Variants in THSD4 observed in about 807,000 individuals in gnomAD.
The protein encoded by THSD4 is thrombospondin type 1 domain containing 4.
A neutral mutation model predicts 119.0 loss-of-function variants in THSD4; 69 were observed. That is an observed-to-expected ratio of 0.58 (90% CI 0.48 to 0.71). The LOEUF (loss-of-function observed/expected upper bound fraction) is 0.71, where lower values mean the gene tolerates loss of function less well. Among genes scored for constraint, THSD4 ranks in the 30% least tolerant of loss-of-function variants. The probability of loss-of-function intolerance (pLI) is 0.00; values close to 1 mark genes in which losing one functional copy is unlikely to be tolerated. For missense variants in THSD4, 1,393 were observed against 1,391.1 expected, an observed-to-expected ratio of 1.00 and a Z score of -0.02; for synonymous variants, 524 against 540.4, an observed-to-expected ratio of 0.97 and a Z score of 0.42.
At chr15:71,194,635 G>C (rs562055131) in intron 3 of THSD4, among the ~76,000 whole-genome samples, 2 of 152,256 alleles carry the variant, frequency 1.3e-5, no homozygotes, top group Middle Eastern at 3.4e-3. Flanking sequence ...ATTTGGAGAG[G>C]CCCCTACAAA....
intron 1 of THSD4, among the ~76,000 whole-genome samples, chr15:71,140,143 C>A (rs1199409043): frequency 2.6e-5 from 4 of 152,202 alleles, no homozygotes; most frequent in African/African-American, 9.7e-5. Flanking sequence ...TCTTGCATCA[C>A]CATATTAGTT....
At chr15:71,429,528 C>T (rs1437935638) in intron 7 of THSD4, among the ~76,000 whole-genome samples, 2 of 152,130 alleles carry the variant, frequency 1.3e-5, no homozygotes, top group South Asian at 2.1e-4. Context: ...TAGTTATTTT[C>T]TTTGGTGGGT....
chr15:71,193,271 C>G (rs927563462), intron 3 of THSD4, among the ~76,000 whole-genome samples: 3 of 152,182 alleles, frequency 2.0e-5, no homozygotes, highest in African/African-American at 7.2e-5. Context: ...TTCTCACTGA[C>G]TGGCACAGCT....
At chr15:71,191,456 C>T (rs998608446) in intron 3 of THSD4, among the ~76,000 whole-genome samples, 1 of 152,228 alleles carries the variant, frequency 6.6e-6, no homozygotes, top group Non-Finnish European at 1.5e-5. Context: ...ATTGGCCATT[C>T]GTGCCTTTGC....
chr15:71,771,927 C>G (rs1210388666), intron 17 of THSD4, among the ~76,000 whole-genome samples: 1 of 152,084 alleles, frequency 6.6e-6, no homozygotes, highest in Admixed American at 6.5e-5. Flanking sequence ...GCCAGAAAAC[C>G]AAAGAAGGCA....
chr15:71,582,755 C>T (rs1567047282), intron 7 of THSD4, among the ~76,000 whole-genome samples: 1 of 151,996 alleles, frequency 6.6e-6, no homozygotes, highest in African/African-American at 2.4e-5. Context: ...AACTTTAGTC[C>T]TTCATTCTGT....
chr15:71,374,965 C>G (rs984594379), intron 6 of THSD4, among the ~76,000 whole-genome samples: 1 of 152,090 alleles, frequency 6.6e-6, no homozygotes, highest in Non-Finnish European at 1.5e-5. Flanking sequence ...AATCACCTGT[C>G]CTGCGGGTAT....
chr15:71,570,309 T>G lies in THSD4; in HGVS notation c.1153-90221T>G, dbSNP rs149500695. Among the ~76,000 whole-genome samples, 453 of 152,300 alleles carry G rather than the reference T, an allele frequency of 3.0e-3. 2 individuals are homozygous for G. Among genetic ancestry groups the G allele is most frequent in the African/African-American group, 0.011 (439 of 41,568 alleles). Reference sequence around the variant, plus strand: ...TTGCTCACAACAACCCTATGAGAGATATTGGTCAGGAAAATATTTTTATAT... The same window carrying G: ...TTGCTCACAACAACCCTATGAGAGAGATTGGTCAGGAAAATATTTTTATAT... On this transcript the variant is annotated intron_variant, in intron 7 of 17. Transcript: ENST00000261862.
intron 6 of THSD4, 58 bp from the exon 7 acceptor site, chr15:71,411,629 G>A: frequency 4.6e-6 from 7 of 1,523,206 alleles, no homozygotes; most frequent in Non-Finnish European, 6.2e-6. Context: ...TGATTCCACA[G>A]AGATGATATT....
At chr15:71,533,844 C>G (rs2048650381) in intron 7 of THSD4, among the ~76,000 whole-genome samples, 1 of 152,090 alleles carries the variant, frequency 6.6e-6, no homozygotes, top group Admixed American at 6.6e-5. Context: ...AGGAGATGTG[C>G]TCTAAGTAGG....
chr15:71,181,762 A>C (rs1270442177), intron 3 of THSD4, among the ~76,000 whole-genome samples: 1 of 152,192 alleles, frequency 6.6e-6, no homozygotes, highest in Non-Finnish European at 1.5e-5. Flanking sequence ...TCCTAGTGTT[A>C]ACCTGGTGAC....
intron 3 of THSD4, among the ~76,000 whole-genome samples, chr15:71,162,045 T>C (rs1379126615): frequency 6.6e-6 from 1 of 152,084 alleles, no homozygotes; most frequent in Non-Finnish European, 1.5e-5. Context: ...ATTTGTGTTT[T>C]GGTTGCCTTA....
intron 7 of THSD4, among the ~76,000 whole-genome samples, chr15:71,456,029 A>G (rs2047334513): frequency 6.6e-6 from 1 of 152,220 alleles, no homozygotes; most frequent in Non-Finnish European, 1.5e-5. Flanking sequence ...TTTTGTAAGC[A>G]AAGTCAGGCT....
At chr15:71,728,025 C>T (rs1242135927) in intron 8 of THSD4, among the ~76,000 whole-genome samples, 1 of 152,016 alleles carries the variant, frequency 6.6e-6, no homozygotes. Context: ...CCAATGTTAA[C>T]ATGTCTTCCT....
intron 14 of THSD4, among the ~76,000 whole-genome samples, chr15:71,756,689 G>C (rs1447744393): frequency 6.6e-6 from 1 of 152,140 alleles, no homozygotes; most frequent in Non-Finnish European, 1.5e-5. Flanking sequence ...GAGGTGGGAG[G>C]ATCACTTGAC....
chr15:71,542,461 C>T (rs560898536), intron 7 of THSD4, among the ~76,000 whole-genome samples: 1 of 152,200 alleles, frequency 6.6e-6, no homozygotes, highest in Admixed American at 6.5e-5. Context: ...TTAACATCAT[C>T]AGTGGTAAGT....
At chr15:71,528,220 T>C (rs2048555618) in intron 7 of THSD4, among the ~76,000 whole-genome samples, 1 of 152,140 alleles carries the variant, frequency 6.6e-6, no homozygotes, top group Non-Finnish European at 1.5e-5. Flanking sequence ...TCTCTGCCAT[T>C]GTCAGAGTCA....
chr15:71,181,829 A>T (rs1177348166), intron 3 of THSD4, among the ~76,000 whole-genome samples: 1 of 151,762 alleles, frequency 6.6e-6, no homozygotes, highest in Non-Finnish European at 1.5e-5. Flanking sequence ...GATCTGCCTG[A>T]CTCCTGTTGT....
intron 7 of THSD4, among the ~76,000 whole-genome samples, chr15:71,427,531 G>A (rs1053554725): frequency 2.7e-5 from 4 of 150,662 alleles, no homozygotes; most frequent in Non-Finnish European, 4.4e-5. Flanking sequence ...CAGAAAACAG[G>A]TGAAGGCAAT....
Sources: allele counts gnomAD v4.1 joint callset (sites outside exome capture counted in the v4.1 genomes callset), GRCh38; gene constraint gnomAD v4.1.1; transcripts MANE v1.5; gene names NCBI Gene and HGNC (gene_info 2026-07-23, HGNC 2026-07-21).